The following SARAF variants were observed in gnomAD, a reference collection of about 807,000 sequenced individuals.
SARAF encodes the protein store-operated calcium entry-associated regulatory factor.
A neutral mutation model predicts 39.7 loss-of-function variants in SARAF; 23 were observed. That is an observed-to-expected ratio of 0.58 (90% confidence interval 0.42 to 0.82). The LOEUF (loss-of-function observed/expected upper bound fraction) is 0.82. Among genes scored for constraint, SARAF ranks in the 40% least tolerant of loss-of-function variants. SARAF has a pLI of 0.00. For missense variants in SARAF, 384 were observed against 418.5 expected (o/e 0.92, Z 0.72); for synonymous variants, 175 against 168.5 (o/e 1.04, Z -0.30).
rs1315368531 is a variant in SARAF at position 30,070,076 on chromosome 8, A to G, written c.283-17T>C. 2.0e-6 allele frequency: 3 copies of G among 1,513,340 alleles called. No individual in the cohort carries two copies. Among genetic ancestry groups the G allele is most frequent in the Non-Finnish European group, 2.7e-6 (3 of 1,118,686 alleles). The allele number at this position is 1,513,340 out of a possible 1,614,324, so 93.7% of individuals were successfully genotyped here. ...ACATTCCCACTGTGAAGAAAAATAG[A>G]AACAGACTATTAGAAACAAACATTT... On this transcript the variant is annotated splice_polypyrimidine_tract_variant and intron_variant, in intron 2 of 5. Transcript: ENST00000256255.
intron 1 of SARAF, among the ~76,000 whole-genome samples, chr8:30,081,137 C>CA (rs958910653): frequency 8.6e-5 from 13 of 151,680 alleles, no homozygotes; most frequent in South Asian, 2.1e-4. Flanking sequence ...GAAACTGTCT[C>CA]AAAAAAACAA....
At chr8:30,067,883 A>G (rs991397819) in intron 3 of SARAF, among the ~76,000 whole-genome samples, 2 of 152,202 alleles carry the variant, frequency 1.3e-5, no homozygotes, top group Admixed American at 6.5e-5. Flanking sequence ...GTACATAGGA[A>G]TAGAATTGGG....
At chr8:30,071,530 G>T (rs565493213) in intron 2 of SARAF, among the ~76,000 whole-genome samples, 51 of 152,206 alleles carry the variant, frequency 3.4e-4, no homozygotes, top group Non-Finnish European at 6.8e-4. Flanking sequence ...AATGGTTTTA[G>T]TATATTCACA....
intron 1 of SARAF, among the ~76,000 whole-genome samples, chr8:30,077,092 A>C (rs370047056): frequency 6.6e-6 from 1 of 152,190 alleles, no homozygotes; most frequent in Non-Finnish European, 1.5e-5. Context: ...TAAAACAATC[A>C]TTTTTAAAAG....
intron 5 of SARAF, among the ~76,000 whole-genome samples, chr8:30,064,329 A>G (rs1176580357): frequency 6.7e-6 from 1 of 150,156 alleles, no homozygotes; most frequent in Non-Finnish European, 1.5e-5. Context: ...ACGTTACTTA[A>G]GACACTGTGC....
intron 2 of SARAF, 108 bp from the exon 3 acceptor site, chr8:30,070,167 T>C (rs1801804649): frequency 9.9e-7 from 1 of 1,009,448 alleles, no homozygotes; most frequent in African/African-American, 1.6e-5. Context: ...CTCAGCACTT[T>C]CGGAGGCCAA....
chr8:30,073,915 G>C lies in SARAF; in HGVS notation c.244C>G (p.Gln82Glu). 6.2e-7 allele frequency: 1 copy of C among 1,614,138 alleles called. No individual in the cohort carries two copies. Among genetic ancestry groups the C allele is most frequent in the Non-Finnish European group, 8.5e-7 (1 of 1,180,032 alleles). ...CCATCCCAGCCTTTGTTCTGACACT[G>C]TATGACTTTTGGGGTATAAGAATCA... ...GCDSYTPKVI[Q>E]CQNKGWDGYD... The change falls in exon 2 of 6, where the codon CAG (glutamine) becomes GAG (glutamate). Residue 82 changes from glutamine to glutamate, a missense_variant. Coordinates refer to ENST00000256255, the MANE Select transcript of SARAF (RefSeq NM_016127.6).
At position 30,082,989 on chromosome 8, in the gene SARAF, C is replaced by T. The variant is rs3824207; in HGVS notation, c.-40G>A. The T allele has an allele frequency of 0.12, 178,868 of 1,476,010 alleles. 10,910 individuals are homozygous for T. Among genetic ancestry groups the T allele is most frequent in the East Asian group, 0.22 (8,290 of 38,332 alleles). 91.4% of individuals were successfully genotyped at this position (1,476,010 alleles called of 1,614,324 possible). A position where few individuals can be genotyped will look rare whatever the true frequency, so the allele number is the denominator to read the frequency against. ...ATGGCGCCGGGCTGCCAGACGCCTA[C>T]GGGCCGAACCTGGGTGCGGTAGCGC... On this transcript the variant is annotated 5_prime_UTR_variant, in exon 1 of 6. Coordinates refer to ENST00000256255, the MANE Select transcript of SARAF (RefSeq NM_016127.6).
Position 30,069,890 on chromosome 8 carries a change from T to C in SARAF, c.452A>G (p.Lys151Arg). ...AGAGAAAGAGGCAAAGCCGTGCTGC[T>C]TTCCAGACTCCTTCAGTTTCTGCAG... ...LGLQKLKESG[K>R]QHGFASFSDY... Residue 151 changes from lysine (K) to arginine (R), a missense_variant, in exon 3 of 6, where the codon AAG becomes AGG. Lys to Arg is a conservative substitution (Grantham distance 26, BLOSUM62 2). Coordinates refer to ENST00000256255, the MANE Select transcript of SARAF (RefSeq NM_016127.6). 1 of 1,614,178 alleles carries C rather than the reference T, an allele frequency of 6.2e-7. No homozygotes were observed. Among genetic ancestry groups the C allele is most frequent in the East Asian group, 2.2e-5 (1 of 44,882 alleles).
At chr8:30,077,030 T>A (rs1249326592) in intron 1 of SARAF, among the ~76,000 whole-genome samples, 2 of 152,202 alleles carry the variant, frequency 1.3e-5, no homozygotes, top group Non-Finnish European at 2.9e-5. Context: ...AGAAAACTTT[T>A]TTAAAAACAC....
At chr8:30,063,943 G>C (rs777738591) in intron 5 of SARAF, 30 bp from the exon 6 acceptor site, 25 of 1,511,760 alleles carry the variant, frequency 1.7e-5, no homozygotes, top group Non-Finnish European at 2.3e-5. Flanking sequence ...ATTTACATTA[G>C]TTTTTAAAAA....
chr8:30,064,561 A>ATATATATATATTTTTTTTTTTTTT (rs1423689069), intron 5 of SARAF, among the ~76,000 whole-genome samples: 3 of 46,232 alleles, frequency 6.5e-5, no homozygotes, highest in African/African-American at 1.1e-4. Flanking sequence ...ATATATATAT[A>ATATATATATATTTTTTTTTTTTTT]TTTTTTTTTT....
chr8:30,078,844 T>C (rs189754795), intron 1 of SARAF, among the ~76,000 whole-genome samples: 3 of 152,256 alleles, frequency 2.0e-5, no homozygotes, highest in Admixed American at 1.3e-4. Context: ...GGTTACCAGA[T>C]AGTAAAGGTT....
At chr8:30,068,435 G>A (rs1801742012) in intron 3 of SARAF, among the ~76,000 whole-genome samples, 1 of 152,100 alleles carries the variant, frequency 6.6e-6, no homozygotes, top group Middle Eastern at 3.4e-3. Flanking sequence ...ACAAGCTCAG[G>A]GCTCCCACTG....
intron 5 of SARAF, among the ~76,000 whole-genome samples, chr8:30,064,540 T>C (rs986955537): frequency 2.8e-4 from 16 of 56,922 alleles, no homozygotes; most frequent in African/African-American, 1.1e-3. Flanking sequence ...TAGCCATATA[T>C]ATATATATAT....
At chr8:30,075,884 T>C (rs1801946237) in intron 1 of SARAF, among the ~76,000 whole-genome samples, 1 of 146,196 alleles carries the variant, frequency 6.8e-6, no homozygotes, top group South Asian at 2.1e-4. Context: ...AGAAAGTAAA[T>C]GGACTAGTGG....
Position 30,069,736 on chromosome 8 carries a change from T to C in SARAF, c.606A>G (p.Pro202=), listed in dbSNP as rs1563353015. The change falls in exon 3 of 6, where the codon CCA becomes CCG. Residue 202 remains proline, a synonymous_variant. Transcript: ENST00000256255. Reference sequence around the variant, plus strand: ...AAAATGGAGGATACTCAGAGTACGGTGGAGGAGAATACTGCCCGTCACTCA... The same window carrying C: ...AAAATGGAGGATACTCAGAGTACGGCGGAGGAGAATACTGCCCGTCACTCA... ...LFLSDGQYSP[P]PYSEYPPFSH... is the part of the protein sequence containing the mutation. 6.2e-7 allele frequency: 1 copy of C among 1,613,974 alleles called. No individual in the cohort carries two copies. The highest frequency in any genetic ancestry group is 1.1e-5 in the South Asian group (1 of 91,060).
chr8:30,079,159 A>C (rs1802042338), intron 1 of SARAF, among the ~76,000 whole-genome samples: 1 of 94,220 alleles, frequency 1.1e-5, no homozygotes, highest in African/African-American at 5.1e-5. Context: ...ACTCCATCTC[A>C]AAAAAAAAAA....
intron 3 of SARAF, among the ~76,000 whole-genome samples, chr8:30,068,337 G>A (rs559296128): frequency 6.6e-6 from 1 of 152,138 alleles, no homozygotes; most frequent in Non-Finnish European, 1.5e-5. Flanking sequence ...GAGGGATCTA[G>A]GTTGCATGCT....
Sources: gnomAD v4.1 joint callset for allele counts (sites outside exome capture counted in the v4.1 genomes callset) on GRCh38, gnomAD v4.1.1 for gene constraint, MANE v1.5 for transcripts, NCBI Gene and HGNC (gene_info 2026-07-23, HGNC 2026-07-21) for gene names.